The following FAM171A1 variants were observed in gnomAD, a reference collection of about 807,000 sequenced individuals.
The protein encoded by FAM171A1 is protein FAM171A1.
A neutral mutation model predicts 74.9 loss-of-function variants in FAM171A1; 23 were observed. The observed-to-expected ratio is 0.31, with a 90% confidence interval of 0.22 to 0.44. FAM171A1 has a LOEUF of 0.44. FAM171A1 is among the 20% of genes least tolerant of loss of function. The probability of loss-of-function intolerance (pLI) is 1.00; values close to 1 mark genes in which losing one functional copy is unlikely to be tolerated. For missense variants in FAM171A1, 1,162 were observed against 1,159.2 expected, an observed-to-expected ratio of 1.00 and a Z score of -0.03; for synonymous variants, 527 against 505.7, an observed-to-expected ratio of 1.04 and a Z score of -0.57.
intron 1 of FAM171A1, among the ~76,000 whole-genome samples, chr10:15,288,891 C>T (rs529747051): frequency 3.8e-5 from 5 of 131,516 alleles, no homozygotes; most frequent in South Asian, 2.5e-4. Flanking sequence ...GGCACAGTCT[C>T]GGCTCACTGC....
At chr10:15,247,542 T>C (rs1321511254) in intron 5 of FAM171A1, among the ~76,000 whole-genome samples, 3 of 152,166 alleles carry the variant, frequency 2.0e-5, no homozygotes, top group Non-Finnish European at 4.4e-5. Context: ...CACTCCCCTG[T>C]ATAGTCTACT....
intron 6 of FAM171A1, among the ~76,000 whole-genome samples, chr10:15,219,578 T>C (rs1204946344): frequency 1.3e-5 from 2 of 152,174 alleles, no homozygotes; most frequent in African/African-American, 4.8e-5. Context: ...GGGAAACACA[T>C]TAATCTTTTT....
In FAM171A1 at chr10:15,290,311, G is replaced by A. The variant is rs1344684328; in HGVS notation, c.98-6206C>T. Among the ~76,000 whole-genome samples the A allele has an allele frequency of 4.6e-5, 7 of 151,800 alleles. No individual in the cohort carries two copies. The East Asian group carries it at 7.7e-4, about 17-fold the overall frequency. On this transcript the variant is annotated intron_variant, in intron 1 of 7. Transcript: ENST00000378116. ...CCACCTGACCCCATCCCCTGCCCTC[G>A]GCTCCTCCTTCCTGTTCCTTCCTGC...
chr10:15,316,705 C>T (rs76545173), intron 1 of FAM171A1, among the ~76,000 whole-genome samples: 11,845 of 152,172 alleles, frequency 0.078, 496 homozygotes, highest in South Asian at 0.12. Context: ...GAAATCCAAA[C>T]GTTGGATAAT....
rs1481327510 is a variant in FAM171A1 at position 15,275,870 on chromosome 10, C to A, written c.403G>T (p.Val135Leu). The change falls in exon 3 of 8, where the codon GTA becomes TTA. Residue 135 changes from valine to leucine, a missense_variant. Val to Leu is a conservative substitution (Grantham distance 32). Coordinates refer to ENST00000378116, the MANE Select transcript of FAM171A1 (RefSeq NM_001010924.2). Reference protein sequence around the residue: ...LMVYEDVVQIVSGFQGARPQP... With the variant: ...LMVYEDVVQILSGFQGARPQP... Reference sequence around the variant, plus strand: ...TTAAATATACCTTGGAATCCTGATACTATTTGGACGACATCTTCATATACC... The same window carrying A: ...TTAAATATACCTTGGAATCCTGATAATATTTGGACGACATCTTCATATACC... The A allele has an allele frequency of 6.2e-7, 1 of 1,608,488 alleles. No homozygotes were observed. The highest frequency in any genetic ancestry group is 1.7e-5 in the Admixed American group (1 of 59,700).
chr10:15,246,752 A>G (rs752649691), intron 5 of FAM171A1, among the ~76,000 whole-genome samples: 12 of 152,164 alleles, frequency 7.9e-5, no homozygotes, highest in Non-Finnish European at 1.6e-4. Flanking sequence ...CAAACTCCTG[A>G]CCACAAGTGA....
chr10:15,231,352 T>C (rs1784267166), intron 5 of FAM171A1, among the ~76,000 whole-genome samples: 1 of 152,026 alleles, frequency 6.6e-6, no homozygotes, highest in South Asian at 2.1e-4. Flanking sequence ...CACAGACACA[T>C]GCCACCATGC....
chr10:15,246,588 C>T (rs952461214), intron 5 of FAM171A1, among the ~76,000 whole-genome samples: 2 of 152,170 alleles, frequency 1.3e-5, no homozygotes, highest in Non-Finnish European at 2.9e-5. Context: ...GTGATGCGAT[C>T]TTGGCTCACT....
At chr10:15,254,600 C>T in intron 4 of FAM171A1, 121 bp downstream of exon 4, 1 of 1,082,748 alleles carries the variant, frequency 9.2e-7, no homozygotes, top group Non-Finnish European at 1.3e-6. Flanking sequence ...CAAGAATTCC[C>T]CTTCTGCACC....
At chr10:15,331,853 ATG>A (rs376695633) in intron 1 of FAM171A1, among the ~76,000 whole-genome samples, 28 of 73,810 alleles carry the variant, frequency 3.8e-4, no homozygotes, top group Admixed American at 9.0e-4. Flanking sequence ...GTGTATATAT[ATG>A]TGTGTATATA....
At chr10:15,232,188 T>C (rs1452368325) in intron 5 of FAM171A1, among the ~76,000 whole-genome samples, 4 of 152,180 alleles carry the variant, frequency 2.6e-5, no homozygotes, top group Non-Finnish European at 5.9e-5. Context: ...GGTTCCAAGC[T>C]TGAGACCTCT....
chr10:15,296,408 G>T (rs759301969), intron 1 of FAM171A1, among the ~76,000 whole-genome samples: 1 of 152,022 alleles, frequency 6.6e-6, no homozygotes, highest in Non-Finnish European at 1.5e-5. Flanking sequence ...ATCTCAATAA[G>T]AATCTGTTAC....
At chr10:15,343,885 T>G (rs1487550424) in intron 1 of FAM171A1, among the ~76,000 whole-genome samples, 1 of 152,226 alleles carries the variant, frequency 6.6e-6, no homozygotes, top group East Asian at 1.9e-4. Flanking sequence ...TTTTTGTTCC[T>G]AAGACAGTCT....
chr10:15,287,420 G>A (rs1481026755), intron 1 of FAM171A1, among the ~76,000 whole-genome samples: 6 of 132,742 alleles, frequency 4.5e-5, no homozygotes, highest in East Asian at 2.2e-4. Context: ...ACAGAGTTTC[G>A]CTCTGTCCCC....
intron 1 of FAM171A1, among the ~76,000 whole-genome samples, chr10:15,297,861 A>G (rs1835179235): frequency 6.6e-6 from 1 of 152,224 alleles, no homozygotes; most frequent in African/African-American, 2.4e-5. Flanking sequence ...GGCTGGTTCC[A>G]TATGCATATA....
chr10:15,336,768 C>T (rs1441913780), intron 1 of FAM171A1, among the ~76,000 whole-genome samples: 2 of 152,168 alleles, frequency 1.3e-5, no homozygotes, highest in Non-Finnish European at 2.9e-5. Flanking sequence ...ACAGAACTAA[C>T]ATAAGAGACT....
At chr10:15,333,870 C>T (rs1202849839) in intron 1 of FAM171A1, among the ~76,000 whole-genome samples, 1 of 140,920 alleles carries the variant, frequency 7.1e-6, no homozygotes, top group Non-Finnish European at 1.6e-5. Context: ...AAAAAAAAAA[C>T]TATTTCCATT....
intron 1 of FAM171A1, among the ~76,000 whole-genome samples, chr10:15,322,631 C>T (rs560603044): frequency 6.6e-6 from 1 of 152,140 alleles, no homozygotes; most frequent in African/African-American, 2.4e-5. Context: ...GCCGACAGCC[C>T]GAAGGAAGAC....
chr10:15,308,035 C>G (rs1835318151), intron 1 of FAM171A1, among the ~76,000 whole-genome samples: 1 of 152,082 alleles, frequency 6.6e-6, no homozygotes, highest in South Asian at 2.1e-4. Context: ...TGGTCTTAAC[C>G]TCCTGGCCTC....
Sources: gnomAD v4.1 joint callset for allele counts (sites outside exome capture counted in the v4.1 genomes callset) on GRCh38, gnomAD v4.1.1 for gene constraint, MANE v1.5 for transcripts, NCBI Gene and HGNC (gene_info 2026-07-23, HGNC 2026-07-21) for gene names.